The following SYTL3 variants were observed in gnomAD, a reference collection of about 807,000 sequenced individuals.
SYTL3 encodes the protein synaptotagmin-like protein 3.
A neutral mutation model predicts 82.1 loss-of-function variants in SYTL3; 88 were observed. That is an observed-to-expected ratio of 1.07 (90% CI 0.90 to 1.28). The LOEUF (loss-of-function observed/expected upper bound fraction) is 1.28. Ranked by LOEUF, SYTL3 falls within the 50% of genes most tolerant of loss-of-function variation. The pLI is 0.00. For synonymous variants in SYTL3, 311 were observed against 289.4 expected (o/e 1.07, Z -0.76); for missense variants, 831 against 757.6 (o/e 1.10, Z -1.14).
At chr6:158,686,513 G>C (rs1428011461) in intron 6 of SYTL3, among the ~76,000 whole-genome samples, 7 of 152,286 alleles carry the variant, frequency 4.6e-5, no homozygotes, top group Admixed American at 4.6e-4. Flanking sequence ...ACCAGGTTGG[G>C]TGGAGTTTGC....
rs191078004 is a variant in SYTL3 at position 158,708,360 on chromosome 6, G to T, written c.485G>T (p.Ser162Ile). The T allele has an allele frequency of 5.3e-4, 862 of 1,614,196 alleles. 2 individuals carry two copies. In the Middle Eastern group the frequency reaches 5.4e-3, roughly 10 times the overall value. The stretch of plus-strand genomic sequence containing the variant: ...GTTCCTCCTACTCCACCTCCTGTCA[G>T]CGAGAGCCAGTGCAGCCGCAGTCCT... ...SVVPPTPPPVSESQCSRSPGR... is the reference protein window; with the variant it reads ...SVVPPTPPPVIESQCSRSPGR... Residue 162 changes from serine to isoleucine, a missense_variant, in exon 8 of 18, where the codon AGC becomes ATC. Ser to Ile is a moderately radical substitution (Grantham distance 142, BLOSUM62 -2). Coordinates refer to ENST00000611299, the MANE Select transcript of SYTL3 (RefSeq NM_001242394.2).
intron 5 of SYTL3, 24 bp from the exon 6 acceptor site, chr6:158,682,901 C>T: frequency 6.3e-7 from 1 of 1,595,068 alleles, no homozygotes; most frequent in Non-Finnish European, 8.6e-7. Flanking sequence ...CTCTCTGAAG[C>T]TTCCTTTCTG....
In SYTL3 at chr6:158,755,385, TA is replaced by T. The variant is rs553842347; in HGVS notation, c.1138-1822del. On this transcript the variant is annotated intron_variant, in intron 13 of 17. Coordinates refer to ENST00000611299, the MANE Select transcript of SYTL3 (RefSeq NM_001242394.2). Reference sequence around the variant, plus strand: ...CCCATAGACTTGAGGGAAAACTGGCTAAAAGTTACCCAAAGGCAGGAGAAAA... The same window carrying T: ...CCCATAGACTTGAGGGAAAACTGGCTAAAGTTACCCAAAGGCAGGAGAAAA... Among the ~76,000 whole-genome samples, 448 of 152,112 alleles carry T rather than the reference TA, an allele frequency of 2.9e-3. 3 individuals carry two copies. Among genetic ancestry groups the T allele is most frequent in the African/African-American group, 0.01 (424 of 41,484 alleles).
intron 2 of SYTL3, among the ~76,000 whole-genome samples, chr6:158,660,336 T>A (rs1423954040): frequency 1.3e-5 from 2 of 152,068 alleles, no homozygotes; most frequent in African/African-American, 4.8e-5. Context: ...TCAATAAATA[T>A]TTACTGAATG....
intron 6 of SYTL3, among the ~76,000 whole-genome samples, chr6:158,685,753 G>T (rs544853080): frequency 1.0e-3 from 156 of 152,256 alleles, no homozygotes; most frequent in Non-Finnish European, 1.8e-3. Context: ...GGGAGGCGGA[G>T]GTTGCTGTGA....
chr6:158,693,316 C>T (rs1037155246), intron 6 of SYTL3, among the ~76,000 whole-genome samples: 90 of 152,066 alleles, frequency 5.9e-4, no homozygotes, highest in African/African-American at 2.2e-3. Context: ...TTCTTTGGCT[C>T]AAGAAATTCT....
At chr6:158,714,244 G>A (rs1339038988) in intron 9 of SYTL3, among the ~76,000 whole-genome samples, 1 of 152,050 alleles carries the variant, frequency 6.6e-6, no homozygotes, top group Non-Finnish European at 1.5e-5. Context: ...CCCAGCTACT[G>A]GGGAAGCTGA....
chr6:158,751,103 C>T (rs149634825), intron 12 of SYTL3, among the ~76,000 whole-genome samples: 42 of 152,122 alleles, frequency 2.8e-4, no homozygotes, highest in African/African-American at 8.4e-4. Flanking sequence ...GCCTCCTGGC[C>T]GATTTCGAGT....
intron 5 of SYTL3, among the ~76,000 whole-genome samples, chr6:158,667,004 CT>C (rs1330108077): frequency 6.6e-6 from 1 of 152,250 alleles, no homozygotes; most frequent in Non-Finnish European, 1.5e-5. Context: ...AAAATAATTA[CT>C]GTGAGCTGCC....
rs774693205 is a variant in SYTL3 at position 158,763,446 on chromosome 6, G to A, written c.1660G>A (p.Val554Ile). ...QLRQSSLELT[V>I]WDQALFGMND... Reference sequence around the variant, plus strand: ...GAGGCAGTCAAGCTTGGAGTTAACTGTCTGGGATCAGGCCCTCTTTGGAAT... The same window carrying A: ...GAGGCAGTCAAGCTTGGAGTTAACTATCTGGGATCAGGCCCTCTTTGGAAT... Residue 554 changes from valine (V) to isoleucine (I), a missense_variant, in exon 17 of 18, where the codon GTC (valine) becomes ATC (isoleucine). Val to Ile is a conservative substitution (Grantham distance 29, BLOSUM62 3). Transcript: ENST00000611299. 3 of 1,614,164 alleles carry A rather than the reference G, an allele frequency of 1.9e-6. No individual in the cohort carries two copies. Among genetic ancestry groups the A allele is most frequent in the Non-Finnish European group, 2.5e-6 (3 of 1,180,016 alleles).
At chr6:158,761,496 G>A (rs1479811235) in intron 15 of SYTL3, among the ~76,000 whole-genome samples, 4 of 151,840 alleles carry the variant, frequency 2.6e-5, no homozygotes, top group African/African-American at 7.3e-5. Flanking sequence ...TTTAAGTAGA[G>A]ACAGGGTTTC....
At chr6:158,721,811 T>C (rs1368984848) in intron 10 of SYTL3, among the ~76,000 whole-genome samples, 2 of 151,996 alleles carry the variant, frequency 1.3e-5, no homozygotes, top group African/African-American at 4.8e-5. Context: ...TTTTGGATTT[T>C]TAGTAGAAAT....
At chr6:158,652,841 G>A (rs932163044) in intron 2 of SYTL3, among the ~76,000 whole-genome samples, 2 of 152,042 alleles carry the variant, frequency 1.3e-5, no homozygotes, top group Non-Finnish European at 1.5e-5. Context: ...GCACCCAGCC[G>A]AGTCTTCTAA....
intron 9 of SYTL3, among the ~76,000 whole-genome samples, chr6:158,715,613 A>ACACACACACACACACACACACACG (rs1291340388): frequency 8.5e-5 from 12 of 141,908 alleles, no homozygotes; most frequent in African/African-American, 3.0e-4. Context: ...ACACACACAC[A>ACACACACACACACACACACACACG]CACGCACGCA....
In SYTL3 at chr6:158,744,614, C is replaced by G. The variant is rs376292264; in HGVS notation, c.856-866C>G. On this transcript the variant is annotated intron_variant, in intron 11 of 17. Coordinates refer to ENST00000611299, the MANE Select transcript of SYTL3 (RefSeq NM_001242394.2). Reference sequence around the variant, plus strand: ...GATTACAGGCGTGAGCCACTGCACCCGGCACTCCCATGCTTGTTTCTTAGT... The same window carrying G: ...GATTACAGGCGTGAGCCACTGCACCGGGCACTCCCATGCTTGTTTCTTAGT... 1.8e-3 allele frequency among the ~76,000 whole-genome samples: 276 copies of G among 152,262 alleles called. 1 individual carries two copies. Among genetic ancestry groups the G allele is most frequent in the African/African-American group, 5.9e-3 (244 of 41,548 alleles).
chr6:158,691,874 A>G (rs1779914647), intron 6 of SYTL3, among the ~76,000 whole-genome samples: 1 of 150,324 alleles, frequency 6.7e-6, no homozygotes, highest in African/African-American at 2.4e-5. Flanking sequence ...GATGGTCACG[A>G]TCTCCTGACC....
At chr6:158,695,267 G>A (rs572976827) in intron 6 of SYTL3, among the ~76,000 whole-genome samples, 1 of 152,084 alleles carries the variant, frequency 6.6e-6, no homozygotes, top group Admixed American at 6.5e-5. Flanking sequence ...ATACAACAAC[G>A]TTTTCATGCC....
chr6:158,696,113 C>T (rs973012508), intron 6 of SYTL3, among the ~76,000 whole-genome samples: 2 of 152,186 alleles, frequency 1.3e-5, no homozygotes, highest in Non-Finnish European at 1.5e-5. Flanking sequence ...ATGGAATTTT[C>T]AGCATCTGCT....
At chr6:158,684,952 C>T (rs529141696) in intron 6 of SYTL3, among the ~76,000 whole-genome samples, 6 of 152,192 alleles carry the variant, frequency 3.9e-5, no homozygotes, top group Admixed American at 2.6e-4. Context: ...AGCTTCTTAC[C>T]GCCACCCTCT....
Sources: gnomAD v4.1 joint callset for allele counts (sites outside exome capture counted in the v4.1 genomes callset) on GRCh38, gnomAD v4.1.1 for gene constraint, MANE v1.5 for transcripts, NCBI Gene and HGNC (gene_info 2026-07-23, HGNC 2026-07-21) for gene names.